MROH7: variants seen among roughly 807,000 people sequenced by gnomAD.
MROH7 encodes the protein maestro heat like repeat family member 7, also known as maestro heat-like repeat-containing protein family member 7.
In MROH7, 113 loss-of-function variants were observed where a neutral mutation model predicts 129.2. That is an observed-to-expected ratio of 0.87 (90% CI 0.75 to 1.02). The LOEUF (loss-of-function observed/expected upper bound fraction) is 1.02, where lower values mean the gene tolerates loss of function less well. MROH7 is among the 50% of genes least tolerant of loss of function. The pLI is 0.00. For missense variants in MROH7, 1,601 were observed against 1,671.3 expected (o/e 0.96, Z 0.73); for synonymous variants, 655 against 667.9 (o/e 0.98, Z 0.30).
chr1:54,692,335 G>T, intron 15 of MROH7, 89 bp from the exon 16 acceptor site: 3 of 1,539,234 alleles, frequency 1.9e-6, no homozygotes, highest in Non-Finnish European at 1.8e-6. Flanking sequence ...AGTTTGTCGG[G>T]CCAGATGGCA....
rs768524223 is a variant in MROH7 at position 54,674,141 on chromosome 1, G to T, written c.1926G>T (p.Glu642Asp). ...DGIIILYTIL[E>D]LQKRARDKEE... ...TCATCATCCTCTACACTATTCTGGA[G>T]CTCCAAAAACGTAAGCCCTATCGGA... Residue 642 changes from glutamate (E) to aspartate (D), a missense_variant, in exon 10 of 24, where the codon GAG (glutamate) becomes GAT (aspartate). Glu to Asp is a conservative substitution (Grantham distance 45). Coordinates refer to ENST00000421030, the MANE Select transcript of MROH7 (RefSeq NM_001039464.4). 1.2e-6 allele frequency: 2 copies of T among 1,613,332 alleles called. No homozygotes were observed. The highest frequency in any genetic ancestry group is 2.2e-5 in the East Asian group (1 of 44,874).
chr1:54,686,300 A>C lies in MROH7; in HGVS notation c.2563A>C (p.Met855Leu). 1 of 1,614,050 alleles carries C rather than the reference A, an allele frequency of 6.2e-7. No individual in the cohort carries two copies. The change falls in exon 15 of 24, where the codon ATG becomes CTG. Residue 855 changes from methionine (M) to leucine (L), a missense_variant. Physicochemically the swap from Met to Leu is conservative, Grantham distance 15. Coordinates refer to ENST00000421030, the MANE Select transcript of MROH7 (RefSeq NM_001039464.4). ...LCELLSVNSC[M>L]GRVRRIYPQL... Reference sequence around the variant, plus strand: ...CGAGCTCCTGTCCGTCAACAGCTGCATGGGCCGTGTGAGGCGCATCTACCC... The same window carrying C: ...CGAGCTCCTGTCCGTCAACAGCTGCCTGGGCCGTGTGAGGCGCATCTACCC...
intron 18 of MROH7, 68 bp downstream of exon 18, chr1:54,700,529 C>T (rs1645418714): frequency 1.4e-6 from 2 of 1,459,752 alleles, no homozygotes; most frequent in African/African-American, 1.4e-5. Context: ...AGAGCTTCAC[C>T]ATTATAGTAC....
chr1:54,654,766 A>T (rs1271486163), intron 3 of MROH7, among the ~76,000 whole-genome samples: 1 of 152,146 alleles, frequency 6.6e-6, no homozygotes, highest in Non-Finnish European at 1.5e-5. Context: ...CAAAATGTAC[A>T]TCTTTTTCTT....
At chr1:54,709,647 C>G (rs1054334409) in intron 23 of MROH7, among the ~76,000 whole-genome samples, 2 of 152,046 alleles carry the variant, frequency 1.3e-5, no homozygotes, top group African/African-American at 2.4e-5. Flanking sequence ...CAAAGTGAGA[C>G]CAAAAGCCAT....
chr1:54,667,012 G>T (rs1644824771), intron 4 of MROH7, among the ~76,000 whole-genome samples: 1 of 152,094 alleles, frequency 6.6e-6, no homozygotes, highest in Non-Finnish European at 1.5e-5. Flanking sequence ...CATATTGTGG[G>T]GTATCAGTTT....
intron 1 of MROH7, among the ~76,000 whole-genome samples, chr1:54,650,200 T>A (rs1644532914): frequency 6.6e-6 from 1 of 152,230 alleles, no homozygotes; most frequent in African/African-American, 2.4e-5. Flanking sequence ...AGGCTTTATG[T>A]GTTCCCTATC....
intron 13 of MROH7, among the ~76,000 whole-genome samples, chr1:54,681,470 T>A (rs996202460): frequency 6.6e-6 from 1 of 152,182 alleles, no homozygotes; most frequent in Non-Finnish European, 1.5e-5. Flanking sequence ...TATAGTTAAT[T>A]TATAGTTCCT....
intron 21 of MROH7, 145 bp downstream of exon 21, chr1:54,702,890 C>T: frequency 1.1e-6 from 1 of 929,044 alleles, no homozygotes; most frequent in Non-Finnish European, 1.6e-6. Flanking sequence ...TCCTCTCCAC[C>T]TCTGGCTTCT....
At chr1:54,693,812 G>C (rs905851855) in intron 16 of MROH7, among the ~76,000 whole-genome samples, 3 of 152,186 alleles carry the variant, frequency 2.0e-5, no homozygotes, top group African/African-American at 7.2e-5. Context: ...TATGCTCTAG[G>C]CACCATGCAG....
intron 16 of MROH7, among the ~76,000 whole-genome samples, chr1:54,695,125 C>G (rs558063428): frequency 6.6e-6 from 1 of 152,340 alleles, no homozygotes; most frequent in Admixed American, 6.5e-5. Flanking sequence ...TTCAGCCTGG[C>G]TCTCTTACTG....
chr1:54,651,570 A>C (rs998352824), intron 1 of MROH7: 1 of 152,270 alleles, frequency 6.6e-6, no homozygotes, highest in Non-Finnish European at 1.5e-5. Flanking sequence ...GGACATATGG[A>C]GGGGCAAAAA....
chr1:54,643,273 T>G (rs547996829), intron 1 of MROH7, among the ~76,000 whole-genome samples: 24 of 152,198 alleles, frequency 1.6e-4, no homozygotes, highest in Non-Finnish European at 1.2e-4. Flanking sequence ...AGACTAGATG[T>G]TAGCCAGAGG....
intron 23 of MROH7, among the ~76,000 whole-genome samples, chr1:54,709,446 G>C (rs2101258362): frequency 6.6e-6 from 1 of 152,154 alleles, no homozygotes; most frequent in South Asian, 2.1e-4. Context: ...TCGAACTCCT[G>C]ACCTCAAGTG....
intron 1 of MROH7, among the ~76,000 whole-genome samples, chr1:54,646,153 T>C (rs1569843612): frequency 6.6e-6 from 1 of 152,058 alleles, no homozygotes; most frequent in East Asian, 1.9e-4. Context: ...CTGGAGTGGG[T>C]GGGGGAGGCC....
Position 54,653,223 on chromosome 1 carries a change from T to G in MROH7, c.297T>G (p.Ser99=). ...IAPASLQITS[S]CSGEALDLDS... ...CAGCCTCCCTCCAGATCACCAGTTC[T>G]TGTTCTGGTGAAGCCCTGGACCTGG... is the stretch of plus-strand genomic sequence containing the variant. Residue 99 remains serine, a synonymous_variant, in exon 3 of 24, where the codon TCT becomes TCG. Coordinates refer to ENST00000421030, the MANE Select transcript of MROH7 (RefSeq NM_001039464.4). 6.2e-7 allele frequency: 1 copy of G among 1,614,166 alleles called. No individual in the cohort carries two copies. Among genetic ancestry groups the G allele is most frequent in the Non-Finnish European group, 8.5e-7 (1 of 1,180,018 alleles).
At chr1:54,702,468 G>C (rs1047126341) in intron 20 of MROH7, among the ~76,000 whole-genome samples, 155 bp from the exon 21 acceptor site, 1 of 152,084 alleles carries the variant, frequency 6.6e-6, no homozygotes, top group Non-Finnish European at 1.5e-5. Context: ...TAAATCATGG[G>C]CAAAATAAAA....
chr1:54,693,451 G>A (rs1645271514), intron 16 of MROH7, among the ~76,000 whole-genome samples: 1 of 152,078 alleles, frequency 6.6e-6, no homozygotes, highest in African/African-American at 2.4e-5. Context: ...ATAGCCCCTG[G>A]CATATGGTAA....
intron 1 of MROH7, among the ~76,000 whole-genome samples, chr1:54,647,238 G>A (rs571426433): frequency 3.3e-4 from 51 of 152,294 alleles, no homozygotes; most frequent in Admixed American, 3.3e-3. Context: ...TTACTCCTAT[G>A]TTTTCTTCCA....
Sources: gnomAD v4.1 joint callset for allele counts (sites outside exome capture counted in the v4.1 genomes callset) on GRCh38, gnomAD v4.1.1 for gene constraint, MANE v1.5 for transcripts, NCBI Gene and HGNC (gene_info 2026-07-23, HGNC 2026-07-21) for gene names.